The following MYCBP2 variants were observed in gnomAD, a reference collection of about 807,000 sequenced individuals.
MYCBP2 encodes E3 ubiquitin-protein ligase MYCBP2.
A neutral mutation model predicts 525.3 loss-of-function variants in MYCBP2; 120 were observed. That is an observed-to-expected ratio of 0.23 (90% confidence interval 0.20 to 0.27). The LOEUF (loss-of-function observed/expected upper bound fraction) is 0.27, where lower values mean the gene tolerates loss of function less well. Among genes scored for constraint, MYCBP2 ranks in the 10% least tolerant of loss-of-function variants. The pLI is 1.00. For synonymous variants in MYCBP2, 1,894 were observed against 1,955.8 expected (o/e 0.97, Z 0.83); for missense variants, 4,149 against 5,657.1 (o/e 0.73, Z 8.55).
At chr13:77,111,454 A>G (rs531961369) in intron 55 of MYCBP2, among the ~76,000 whole-genome samples, 29 of 145,552 alleles carry the variant, frequency 2.0e-4, no homozygotes, top group African/African-American at 7.4e-4. Context: ...TTTTTTTTTT[A>G]AGAGGCAGGG....
chr13:77,075,787 A>C (rs2154094883), intron 68 of MYCBP2: 1 of 152,300 alleles, frequency 6.6e-6, no homozygotes, highest in East Asian at 1.9e-4. Context: ...GCTAAAATTC[A>C]ATTGACTTAA....
Position 77,058,997 on chromosome 13 carries a change from A to C in MYCBP2, c.13140+526T>G, listed in dbSNP as rs1159901754. Among the ~76,000 whole-genome samples the C allele has an allele frequency of 6.6e-6, 1 of 152,098 alleles. No individual in the cohort carries two copies. The highest frequency in any genetic ancestry group is 2.4e-5 in the African/African-American group (1 of 41,396). The stretch of plus-strand genomic sequence containing the variant: ...CAGACTCCGTCTCAAAAAAATAAAA[A>C]ATAAAAAAAGTTCCCCAATGTATAA... On this transcript the variant is annotated intron_variant, in intron 77 of 82. Coordinates refer to ENST00000544440, the MANE Select transcript of MYCBP2 (RefSeq NM_015057.5). The surrounding 1 kb of genome is among the most constrained non-coding windows in gnomAD (Gnocchi z 4.1).
intron 15 of MYCBP2, 105 bp downstream of exon 15, chr13:77,251,046 A>T: frequency 1.1e-6 from 1 of 899,898 alleles, no homozygotes; most frequent in Non-Finnish European, 1.6e-6. Flanking sequence ...TGAAGATGCC[A>T]CTGGTCTTTA....
intron 61 of MYCBP2, among the ~76,000 whole-genome samples, chr13:77,088,288 A>C (rs1242020891): frequency 6.6e-6 from 1 of 152,198 alleles, no homozygotes; most frequent in African/African-American, 2.4e-5. Flanking sequence ...CTGGATGAAC[A>C]CAAAGTGTAT....
intron 23 of MYCBP2, among the ~76,000 whole-genome samples, chr13:77,208,252 A>G (rs894847958): frequency 3.9e-5 from 6 of 152,132 alleles, no homozygotes. Context: ...CTTCCCAGGC[A>G]TCTCCTCAAC....
In MYCBP2 at chr13:77,098,894, C is replaced by T; in HGVS notation, c.8260G>A (p.Asp2754Asn). Residue 2754 changes from aspartate (D) to asparagine (N), a missense_variant, in exon 56 of 83, where the codon GAT becomes AAT. This residue lies in a region of MYCBP2 where 653 missense variants were observed against 744.7 expected (regional missense o/e 0.88). Coordinates refer to ENST00000544440, the MANE Select transcript of MYCBP2 (RefSeq NM_015057.5). ...TCTGTGCCCCTTGGCTTCTTCTGAT[C>T]AGCAGTAGTCCGGCTCATACGTCCA... The part of the protein sequence containing the change: ...PDGRMSRTTA[D>N]QKKPRGTESL... The T allele has an allele frequency of 3.7e-6, 6 of 1,613,722 alleles. No individual in the cohort carries two copies. The highest frequency in any genetic ancestry group is 4.2e-6 in the Non-Finnish European group (5 of 1,179,754).
rs141717634 is a variant in MYCBP2 at position 77,168,483 on chromosome 13, T to C, written c.6059A>G (p.Tyr2020Cys). 611 of 1,613,980 alleles carry C rather than the reference T, an allele frequency of 3.8e-4. 4 individuals carry two copies. Among genetic ancestry groups the C allele is most frequent in the Middle Eastern group, 1.6e-4 (1 of 6,082 alleles). The change falls in exon 40 of 83, where the codon TAT becomes TGT. Residue 2020 changes from tyrosine (Y) to cysteine (C), a missense_variant. This residue lies in a region of MYCBP2 where 692 missense variants were observed against 852.7 expected (regional missense o/e 0.81). Transcript: ENST00000544440. ...CGGGTGCTCACTCTCTATGACAGCA[T>C]AGTGACTGGAGGTTGTACAAGCAGA... ...GLSACTTSSHYAVIESEHPYK... is the reference protein window; with the variant it reads ...GLSACTTSSHCAVIESEHPYK...
chr13:77,089,290 C>T (rs2044929388), intron 60 of MYCBP2, among the ~76,000 whole-genome samples: 2 of 152,068 alleles, frequency 1.3e-5, no homozygotes, highest in Admixed American at 1.3e-4. Flanking sequence ...TTCTAAAACA[C>T]TCTAAAAGCT....
intron 80 of MYCBP2, among the ~76,000 whole-genome samples, chr13:77,053,871 T>C (rs1197626693): frequency 6.6e-6 from 1 of 152,188 alleles, no homozygotes; most frequent in Non-Finnish European, 1.5e-5. Context: ...CTTAACTTTG[T>C]ATCTAGTAAG....
At position 77,062,593 on chromosome 13, in the gene MYCBP2, T is replaced by C. The variant is rs750854202; in HGVS notation, c.12774+3A>G. 2 of 1,611,510 alleles carry C rather than the reference T, an allele frequency of 1.2e-6. No homozygotes were observed. The highest frequency in any genetic ancestry group is 2.2e-5 in the South Asian group (2 of 91,028). On this transcript the variant is annotated splice_donor_region_variant and intron_variant, in intron 74 of 82. Transcript: ENST00000544440. The stretch of plus-strand genomic sequence containing the variant: ...ATAAATTCTTACAAAATTCTGATCT[T>C]ACCATTTGTTTTTGTTGTCCATCCT...
intron 49 of MYCBP2, among the ~76,000 whole-genome samples, chr13:77,141,471 G>A (rs1188198146): frequency 2.0e-5 from 3 of 151,996 alleles, no homozygotes; most frequent in African/African-American, 7.2e-5. Flanking sequence ...GGAAATAAAT[G>A]ACGTAAAATG....
At chr13:77,136,941 A>G (rs2154179199) in intron 52 of MYCBP2, among the ~76,000 whole-genome samples, 1 of 152,186 alleles carries the variant, frequency 6.6e-6, no homozygotes, top group Admixed American at 6.5e-5. Context: ...TTTTTCTACT[A>G]GTATCTTTCT....
rs1056566300 is a variant in MYCBP2 at position 77,327,092 on chromosome 13, G to A, written c.-317C>T. ...CCGCCGGGGCTACCCGCAATGGGAA[G>A]CTGCCGGCCTCACAGAGCATGCGCC... On this transcript the variant is annotated 5_prime_UTR_variant, in exon 1 of 83. Transcript: ENST00000544440. 7 of 438,092 alleles carry A rather than the reference G, an allele frequency of 1.6e-5. No individual in the cohort carries two copies. The East Asian group carries it at 2.5e-4, about 16-fold the overall frequency. 27.1% of individuals were successfully genotyped at this position (438,092 alleles called of 1,614,324 possible).
At chr13:77,067,417 T>A (rs1031455956) in intron 71 of MYCBP2, among the ~76,000 whole-genome samples, 164 bp downstream of exon 71, 1 of 152,220 alleles carries the variant, frequency 6.6e-6, no homozygotes, top group Non-Finnish European at 1.5e-5. Context: ...TAATTATAAA[T>A]GACACTTTTA....
chr13:77,168,361 T>G, intron 40 of MYCBP2, 67 bp downstream of exon 40: 1 of 1,346,084 alleles, frequency 7.4e-7, no homozygotes, highest in Non-Finnish European at 1.1e-6. Flanking sequence ...CAGGCATTCT[T>G]TAAGATATCA....
At chr13:77,266,746 G>GAAAAAAAAAAAAAAAAAAAAAAAAAA (rs56408804) in intron 8 of MYCBP2, among the ~76,000 whole-genome samples, 2 of 89,412 alleles carry the variant, frequency 2.2e-5, no homozygotes, top group African/African-American at 8.9e-5. Context: ...GACTTGTAAT[G>GAAAAAAAAAAAAAAAAAAAAAAAAAA]AAAAAAAAAA....
chr13:77,099,133 C>T (rs757113074), intron 55 of MYCBP2, 120 bp from the exon 56 acceptor site: 33 of 1,263,228 alleles, frequency 2.6e-5, no homozygotes, highest in Non-Finnish European at 3.3e-5. Context: ...GTCATACATA[C>T]TAAAATACTT....
chr13:77,153,366 G>C (rs1019436270), intron 46 of MYCBP2, among the ~76,000 whole-genome samples: 5 of 152,230 alleles, frequency 3.3e-5, no homozygotes, highest in Admixed American at 2.6e-4. Flanking sequence ...CATCCTGCAA[G>C]GGGTTTGAGT....
chr13:77,314,934 A>ATTT (rs1031352893), intron 1 of MYCBP2, among the ~76,000 whole-genome samples: 2 of 152,130 alleles, frequency 1.3e-5, no homozygotes, highest in Non-Finnish European at 2.9e-5. Context: ...TTAAAAAAAT[A>ATTT]TTTTTTTTAA....
Sources: gnomAD v4.1 joint callset for allele counts (sites outside exome capture counted in the v4.1 genomes callset) on GRCh38, gnomAD v4.1.1 for gene constraint, gnomAD v4.1.1 regional missense constraint, Gnocchi (gnomAD v3.1) non-coding constraint, MANE v1.5 for transcripts, NCBI Gene and HGNC (gene_info 2026-07-23, HGNC 2026-07-21) for gene names.